CCSER1: variants seen among roughly 807,000 people sequenced by gnomAD.
The protein encoded by CCSER1 is serine-rich coiled-coil domain-containing protein 1.
A neutral mutation model predicts 82.0 loss-of-function variants in CCSER1; 41 were observed. The observed-to-expected ratio is 0.50, with a 90% CI of 0.39 to 0.65. The LOEUF (loss-of-function observed/expected upper bound fraction) is 0.65. CCSER1 is among the 30% of genes least tolerant of loss of function. The pLI, the probability that CCSER1 is intolerant of heterozygous loss-of-function variation, is 0.00. For synonymous variants in CCSER1, 414 were observed against 383.9 expected (o/e 1.08, Z -0.92); for missense variants, 1,119 against 1,064.2 (o/e 1.05, Z -0.72).
In CCSER1 at chr4:91,238,662, A is replaced by G. The variant is rs546230367; in HGVS notation, c.2217+152668A>G. 5.3e-5 allele frequency among the ~76,000 whole-genome samples: 8 copies of G among 152,306 alleles called. No individual in the cohort carries two copies. In the South Asian group the frequency reaches 1.2e-3, roughly 24 times the overall value. On this transcript the variant is annotated intron_variant, in intron 10 of 10. Transcript: ENST00000509176. ...TTAATTTAAGGTCATCAATGAAGATAATCCAATTGGTTGGCCAGTAATTAT... is the reference window on the plus strand; with the variant it reads ...TTAATTTAAGGTCATCAATGAAGATGATCCAATTGGTTGGCCAGTAATTAT...
intron 10 of CCSER1, among the ~76,000 whole-genome samples, chr4:91,167,948 AC>A (rs1732284556): frequency 7.8e-6 from 1 of 128,870 alleles, no homozygotes; most frequent in African/African-American, 3.0e-5. Context: ...CTGCCCGGCC[AC>A]CACCCCGTCT....
chr4:90,972,487 A>C (rs966696810), intron 9 of CCSER1, among the ~76,000 whole-genome samples: 1 of 151,780 alleles, frequency 6.6e-6, no homozygotes, highest in Admixed American at 6.6e-5. Context: ...AGATCTGTGC[A>C]CTTGAAACTA....
intron 8 of CCSER1, among the ~76,000 whole-genome samples, chr4:90,890,334 C>T (rs930460600): frequency 6.6e-6 from 1 of 152,128 alleles, no homozygotes; most frequent in Non-Finnish European, 1.5e-5. Context: ...CTCTAAACTC[C>T]TATCCGGATA....
chr4:91,434,107 C>T (rs1754496019), intron 10 of CCSER1, among the ~76,000 whole-genome samples: 2 of 151,690 alleles, frequency 1.3e-5, no homozygotes, highest in South Asian at 4.2e-4. Context: ...TCCGGCTGCA[C>T]AAAATATTCA....
intron 10 of CCSER1, among the ~76,000 whole-genome samples, chr4:91,516,091 T>C (rs975361235): frequency 6.6e-6 from 1 of 152,150 alleles, no homozygotes; most frequent in East Asian, 1.9e-4. Context: ...ATATATTCCA[T>C]ATAGATTCTG....
At chr4:91,386,922 G>C (rs1030052672) in intron 10 of CCSER1, among the ~76,000 whole-genome samples, 1 of 151,884 alleles carries the variant, frequency 6.6e-6, no homozygotes, top group Non-Finnish European at 1.5e-5. Flanking sequence ...GATAGAAAAA[G>C]AATGGATGAG....
At chr4:91,326,721 G>A (rs1243396849) in intron 10 of CCSER1, among the ~76,000 whole-genome samples, 2 of 152,036 alleles carry the variant, frequency 1.3e-5, no homozygotes, top group African/African-American at 4.8e-5. Context: ...CTGCCTATGA[G>A]CCTGTAAAAC....
At chr4:90,769,988 A>G (rs1490652576) in intron 7 of CCSER1, among the ~76,000 whole-genome samples, 1 of 152,122 alleles carries the variant, frequency 6.6e-6, no homozygotes, top group Admixed American at 6.6e-5. Context: ...ATACAACGGA[A>G]CTGATGGAAA....
chr4:90,584,388 G>T (rs1198439635), intron 5 of CCSER1, among the ~76,000 whole-genome samples: 1 of 152,244 alleles, frequency 6.6e-6, no homozygotes. Flanking sequence ...AAGGAAAAGA[G>T]AACCTCAGTT....
intron 8 of CCSER1, among the ~76,000 whole-genome samples, chr4:90,860,719 A>G (rs957592517): frequency 1.3e-5 from 2 of 151,860 alleles, no homozygotes; most frequent in East Asian, 1.9e-4. Flanking sequence ...CTAGAACATG[A>G]AGTAAACTTG....
intron 5 of CCSER1, among the ~76,000 whole-genome samples, chr4:90,506,758 C>A (rs1186988644): frequency 6.8e-6 from 1 of 147,726 alleles, no homozygotes; most frequent in Non-Finnish European, 1.5e-5. Context: ...GAGTGAGACT[C>A]CGTGTCCAAA....
intron 4 of CCSER1, among the ~76,000 whole-genome samples, chr4:90,447,019 A>G (rs1455192366): frequency 1.3e-5 from 2 of 152,062 alleles, no homozygotes; most frequent in Non-Finnish European, 1.5e-5. Context: ...TGCTACTTAT[A>G]TTATCAGTAA....
At chr4:91,501,514 T>A (rs1759210567) in intron 10 of CCSER1, among the ~76,000 whole-genome samples, 1 of 152,044 alleles carries the variant, frequency 6.6e-6, no homozygotes, top group Non-Finnish European at 1.5e-5. Flanking sequence ...CATATTCTTT[T>A]AATTATTACC....
intron 1 of CCSER1, among the ~76,000 whole-genome samples, chr4:90,305,475 G>A (rs1197497662): frequency 6.6e-6 from 1 of 152,086 alleles, no homozygotes; most frequent in African/African-American, 2.4e-5. Context: ...AGTGATGTTA[G>A]TTAAACCATT....
At chr4:90,705,649 T>C (rs1389833718) in intron 6 of CCSER1, among the ~76,000 whole-genome samples, 1 of 152,150 alleles carries the variant, frequency 6.6e-6, no homozygotes, top group Non-Finnish European at 1.5e-5. Flanking sequence ...CTGCTTTGTT[T>C]ACCTACTCAA....
chr4:90,233,672 TAG>T (rs1339111398), intron 1 of CCSER1, among the ~76,000 whole-genome samples: 18 of 150,732 alleles, frequency 1.2e-4, no homozygotes, highest in African/African-American at 4.4e-4. Context: ...TTATGAACCT[TAG>T]ACCAATCTTG....
intron 9 of CCSER1, among the ~76,000 whole-genome samples, chr4:90,955,350 G>A (rs1466469794): frequency 6.6e-6 from 1 of 152,210 alleles, no homozygotes; most frequent in South Asian, 2.1e-4. Flanking sequence ...CTAGTCCTAA[G>A]AGGCTGCAGC....
chr4:90,492,727 C>A (rs1433631836), intron 5 of CCSER1, among the ~76,000 whole-genome samples: 1 of 152,150 alleles, frequency 6.6e-6, no homozygotes, highest in South Asian at 2.1e-4. Flanking sequence ...AGTCTTTGTT[C>A]TCATTGGTTT....
chr4:91,131,136 AC>A (rs1727953086), intron 10 of CCSER1, among the ~76,000 whole-genome samples: 1 of 151,994 alleles, frequency 6.6e-6, no homozygotes, highest in African/African-American at 2.4e-5. Context: ...GTTCTAAAAA[AC>A]AATTGTGTAA....
Sources: gnomAD v4.1 joint callset for allele counts (sites outside exome capture counted in the v4.1 genomes callset) on GRCh38, gnomAD v4.1.1 for gene constraint, MANE v1.5 for transcripts, NCBI Gene and HGNC (gene_info 2026-07-23, HGNC 2026-07-21) for gene names.